The following PALLD variants were observed in gnomAD, a reference collection of about 807,000 sequenced individuals.
PALLD encodes the protein palladin.
PALLD carries 61 observed loss-of-function variants against 123.5 expected under a neutral mutation model. That is an observed-to-expected ratio of 0.49 (90% CI 0.40 to 0.61). The LOEUF is 0.61. PALLD is among the 20% of genes least tolerant of loss of function. The probability of loss-of-function intolerance (pLI) is 0.00; values close to 1 mark genes in which losing one functional copy is unlikely to be tolerated. For missense variants in PALLD, 1,273 were observed against 1,377.0 expected, an observed-to-expected ratio of 0.92 and a Z score of 1.20; for synonymous variants, 465 against 496.4, an observed-to-expected ratio of 0.94 and a Z score of 0.84.
intron 2 of PALLD, among the ~76,000 whole-genome samples, chr4:168,592,609 GA>G (rs560262496): frequency 2.3e-4 from 35 of 151,994 alleles, no homozygotes; most frequent in Non-Finnish European, 4.7e-4. Flanking sequence ...ACTGCATGGA[GA>G]TCACCAAGTT....
intron 10 of PALLD, among the ~76,000 whole-genome samples, chr4:168,734,014 C>T (rs1022927809): frequency 9.2e-5 from 14 of 152,178 alleles, no homozygotes; most frequent in Non-Finnish European, 1.8e-4. Context: ...GGATTACAGG[C>T]GTTGAGCCAC....
intron 2 of PALLD, among the ~76,000 whole-genome samples, chr4:168,581,530 GC>G (rs1204866843): frequency 1.4e-4 from 22 of 151,974 alleles, no homozygotes; most frequent in Non-Finnish European, 3.2e-4. Context: ...GTATTTGTTG[GC>G]CATTTGTTTT....
At chr4:168,543,208 TC>T (rs1765812717) in intron 2 of PALLD, among the ~76,000 whole-genome samples, 1 of 152,158 alleles carries the variant, frequency 6.6e-6, no homozygotes, top group South Asian at 2.1e-4. Context: ...CTCATCTTCT[TC>T]ATTTGTAAAA....
chr4:168,767,952 C>CA (rs1733907512), intron 10 of PALLD, among the ~76,000 whole-genome samples: 1 of 152,140 alleles, frequency 6.6e-6, no homozygotes, highest in Admixed American at 6.5e-5. Context: ...CACCATTGCC[C>CA]AGCTGTTATC....
intron 2 of PALLD, among the ~76,000 whole-genome samples, chr4:168,564,763 T>C (rs1410126703): frequency 6.6e-6 from 1 of 152,208 alleles, no homozygotes; most frequent in East Asian, 1.9e-4. Flanking sequence ...ATTTCAAGTT[T>C]ATATATTTAT....
chr4:168,719,605 G>A (rs12507109), intron 10 of PALLD, among the ~76,000 whole-genome samples: 68,501 of 151,764 alleles, frequency 0.45, 16,643 homozygotes, highest in South Asian at 0.66. Context: ...TTTTAGGTTC[G>A]GGGATACATG....
In PALLD at chr4:168,625,502, G is replaced by GATAGATATATATATATATATATATATAT; in HGVS notation, c.909-42685_909-42684insGATATATATATATATATATATATATATA. ...TCCAATAAGGGATTAATATCCAGGA[G>GATAGATATATATATATATATATATATAT]ATATATATATATATATCCTATAAGG... On this transcript the variant is annotated intron_variant, in intron 2 of 21. Transcript: ENST00000505667. Among the ~76,000 whole-genome samples the GATAGATATATATATATATATATATATAT allele has an allele frequency of 8.8e-3, 1,005 of 114,214 alleles. 33 individuals carry two copies. Among genetic ancestry groups the GATAGATATATATATATATATATATATAT allele is most frequent in the African/African-American group, 0.022 (653 of 29,878 alleles). 74.9% of individuals were successfully genotyped at this position (114,214 alleles called of 152,430 possible). A position where few individuals can be genotyped will look rare whatever the true frequency, so the allele number is the denominator to read the frequency against.
chr4:168,704,320 T>C (rs1272567424), intron 8 of PALLD, among the ~76,000 whole-genome samples: 2 of 152,224 alleles, frequency 1.3e-5, no homozygotes, highest in African/African-American at 4.8e-5. Flanking sequence ...GACATAGGCA[T>C]GGACAATTTT....
At position 168,921,474 on chromosome 4, in the gene PALLD, T is replaced by C. The variant is rs1359710201; in HGVS notation, c.2851-60T>C. 3.7e-6 allele frequency: 4 copies of C among 1,073,926 alleles called. No homozygotes were observed. The East Asian group carries it at 1.1e-4, about 30-fold the overall frequency. 66.5% of individuals were successfully genotyped at this position (1,073,926 alleles called of 1,614,324 possible). The stretch of plus-strand genomic sequence containing the variant: ...GAGGAATTTATGCAGACTTCTTAGC[T>C]ACCAGTGATTTCACTCTGTTTTAAT... On this transcript the variant is annotated intron_variant, in intron 17 of 21. Coordinates refer to ENST00000505667, the MANE Select transcript of PALLD (RefSeq NM_001166108.2).
At chr4:168,502,036 T>G (rs185167429) in intron 1 of PALLD, among the ~76,000 whole-genome samples, 8 of 152,338 alleles carry the variant, frequency 5.3e-5, no homozygotes, top group Non-Finnish European at 7.3e-5. Context: ...TTTCTCTTCT[T>G]AGAATCTTAA....
At chr4:168,770,486 C>T (rs570284937) in intron 10 of PALLD, among the ~76,000 whole-genome samples, 1 of 152,332 alleles carries the variant, frequency 6.6e-6, no homozygotes, top group South Asian at 2.1e-4. Flanking sequence ...TGGCGATCTT[C>T]AGGACAAACC....
At chr4:168,627,297 G>C (rs1195843995) in intron 2 of PALLD, among the ~76,000 whole-genome samples, 1 of 152,114 alleles carries the variant, frequency 6.6e-6, no homozygotes, top group African/African-American at 2.4e-5. Flanking sequence ...ATCACCTGAG[G>C]TCAGGAGTTC....
At chr4:168,768,006 T>C (rs1218824568) in intron 10 of PALLD, among the ~76,000 whole-genome samples, 1 of 152,188 alleles carries the variant, frequency 6.6e-6, no homozygotes, top group Non-Finnish European at 1.5e-5. Flanking sequence ...TGTAAGCTCC[T>C]AGAATCTTCC....
chr4:168,696,440 T>C lies in PALLD; in HGVS notation c.1501+5148T>C, dbSNP rs148473969. Among the ~76,000 whole-genome samples the C allele has an allele frequency of 9.2e-3, 1,399 of 152,082 alleles. 19 individuals carry two copies. The highest frequency in any genetic ancestry group is 0.031 in the African/African-American group (1,305 of 41,482). ...GTGCTATAGGGAAGGCCAAAGTGGA[T>C]AAGTTCCTCTCTTATACTCAGAGCT... On this transcript the variant is annotated intron_variant, in intron 8 of 21. Coordinates refer to ENST00000505667, the MANE Select transcript of PALLD (RefSeq NM_001166108.2).
intron 2 of PALLD, among the ~76,000 whole-genome samples, chr4:168,521,338 G>A (rs931892270): frequency 1.3e-5 from 2 of 152,164 alleles, no homozygotes; most frequent in Non-Finnish European, 2.9e-5. Flanking sequence ...TCACGCATCA[G>A]TTAGGTCACT....
At chr4:168,686,217 G>GT (rs942420458) in intron 6 of PALLD, among the ~76,000 whole-genome samples, 18 of 151,578 alleles carry the variant, frequency 1.2e-4, no homozygotes, top group South Asian at 2.1e-4. Context: ...GGTTTGGTTT[G>GT]TTTTTTTTAC....
intron 10 of PALLD, among the ~76,000 whole-genome samples, chr4:168,759,202 A>AAAAAAAAT (rs1554077926): frequency 4.5e-5 from 1 of 22,302 alleles, no homozygotes; most frequent in Non-Finnish European, 8.7e-5. Flanking sequence ...AAAAAAAAAA[A>AAAAAAAAT]ATATATATAT....
In PALLD at chr4:168,757,810, G is replaced by A. The variant is rs141107301; in HGVS notation, c.1964+45887G>A. Among the ~76,000 whole-genome samples, 797 of 152,340 alleles carry A rather than the reference G, an allele frequency of 5.2e-3. 7 individuals are homozygous for A. Among genetic ancestry groups the A allele is most frequent in the African/African-American group, 0.018 (760 of 41,580 alleles). The stretch of plus-strand genomic sequence containing the variant: ...ATTTAGGCTGGGTGGGGTGGCTCAC[G>A]CCTATAATCCCAGCACTTTGGGAGG... On this transcript the variant is annotated intron_variant, in intron 10 of 21. Coordinates refer to ENST00000505667, the MANE Select transcript of PALLD (RefSeq NM_001166108.2).
intron 10 of PALLD, among the ~76,000 whole-genome samples, chr4:168,834,305 C>T (rs188942550): frequency 6.0e-4 from 92 of 152,180 alleles, no homozygotes; most frequent in Non-Finnish European, 9.0e-4. Flanking sequence ...AATGTAATAA[C>T]GACAGGCCCA....
Sources: allele counts gnomAD v4.1 joint callset (sites outside exome capture counted in the v4.1 genomes callset), GRCh38; gene constraint gnomAD v4.1.1; transcripts MANE v1.5; gene names NCBI Gene and HGNC (gene_info 2026-07-23, HGNC 2026-07-21).